BTBD7: variants seen among roughly 807,000 people sequenced by gnomAD.
BTBD7 encodes BTB/POZ domain-containing protein 7.
In BTBD7, 38 loss-of-function variants were observed where a neutral mutation model predicts 99.9. That is an observed-to-expected ratio of 0.38 (90% CI 0.29 to 0.50). BTBD7 has a LOEUF of 0.50. Ranked by LOEUF, BTBD7 falls within the 20% of genes least tolerant of loss-of-function variation. The pLI is 0.93. For missense variants in BTBD7, 1,170 were observed against 1,394.6 expected (o/e 0.84, Z 2.57); for synonymous variants, 520 against 511.4 (o/e 1.02, Z -0.23).
In BTBD7 at chr14:93,247,328, TTTTGTTTGTTTGTTTG is replaced by T. The variant is rs34225714; in HGVS notation, c.2122-1058_2122-1043del. ...CAGCCATTGTGTCCAGCCTATTCTTTTTTGTTTGTTTGTTTGTTTGTTTGTTTGTTTGTTTTTGAGA... is the reference window on the plus strand; with the variant it reads ...CAGCCATTGTGTCCAGCCTATTCTTTTTTGTTTGTTTGTTTGTTTTTGAGA... On this transcript the variant is annotated intron_variant, in intron 9 of 10. Transcript: ENST00000334746. Among the ~76,000 whole-genome samples, 188 of 149,298 alleles carry T rather than the reference TTTTGTTTGTTTGTTTG, an allele frequency of 1.3e-3. 2 individuals carry two copies. The highest frequency in any genetic ancestry group is 4.2e-3 in the African/African-American group (170 of 40,406).
Position 93,286,682 on chromosome 14 carries a change from A to G in BTBD7, c.1162+7176T>C, listed in dbSNP as rs1374976710. 3.3e-5 allele frequency among the ~76,000 whole-genome samples: 5 copies of G among 152,214 alleles called. No homozygotes were observed. In the East Asian group the frequency reaches 9.6e-4, roughly 29 times the overall value. Reference sequence around the variant, plus strand: ...CCAAATTCCTGAGCCTAGAGTCAGAAGAGCTGGTATGAGTTACAGCTTCGT... The same window carrying G: ...CCAAATTCCTGAGCCTAGAGTCAGAGGAGCTGGTATGAGTTACAGCTTCGT... On this transcript the variant is annotated intron_variant, in intron 3 of 10. Transcript: ENST00000334746.
rs184207518 is a variant in BTBD7, at chr14:93,305,445, C to A, written c.-106-9288G>T. Among the ~76,000 whole-genome samples, 1,120 of 152,310 alleles carry A rather than the reference C, an allele frequency of 7.4e-3. 6 individuals carry two copies. The highest frequency in any genetic ancestry group is 0.02 in the South Asian group (98 of 4,822). On this transcript the variant is annotated intron_variant, in intron 1 of 10. Transcript: ENST00000334746. ...AGAACGTTTAGCTATAAAAGACCCT[C>A]TCTGTAAGAGACATCAACAAGGTCT...
At position 93,322,822 on chromosome 14, in the gene BTBD7, A is replaced by G. The variant is rs138791008; in HGVS notation, c.-107+9998T>C. Among the ~76,000 whole-genome samples, 17 of 152,342 alleles carry G rather than the reference A, an allele frequency of 1.1e-4. No homozygotes were observed. In the East Asian group the frequency reaches 2.7e-3, roughly 24 times the overall value. On this transcript the variant is annotated intron_variant, in intron 1 of 10. Coordinates refer to ENST00000334746, the MANE Select transcript of BTBD7 (RefSeq NM_001002860.4). ...TATTCCTCTTGTCTTCATTTTAAAA[A>G]TAACTACAAGGCTGGGTGATGTGGC...
chr14:93,273,986 C>A (rs756089601), intron 3 of BTBD7, among the ~76,000 whole-genome samples: 2 of 152,300 alleles, frequency 1.3e-5, no homozygotes, highest in Non-Finnish European at 2.9e-5. Flanking sequence ...GGATTCACTG[C>A]AGCATCTTCT....
Position 93,238,797 on chromosome 14 carries a change from G to C in BTBD7, c.*3476C>G. 6.6e-6 allele frequency: 1 copy of C among 152,224 alleles called. No individual in the cohort carries two copies. Among genetic ancestry groups the C allele is most frequent in the Non-Finnish European group, 1.5e-5 (1 of 68,044 alleles). 9.4% of individuals were successfully genotyped at this position (152,224 alleles called of 1,614,324 possible). On this transcript the variant is annotated 3_prime_UTR_variant, in exon 11 of 11. Coordinates refer to ENST00000334746, the MANE Select transcript of BTBD7 (RefSeq NM_001002860.4). ...GGCGCGTGTTTCCAATTTGCCTTCT[G>C]CATCGGCACCTTAATGCAGATGTAC...
intron 3 of BTBD7, chr14:93,288,643 T>A: frequency 7.7e-7 from 1 of 1,291,634 alleles, no homozygotes; most frequent in Non-Finnish European, 1.1e-6. Context: ...ATATTTAAGA[T>A]TGAGGCAGTA....
intron 3 of BTBD7, among the ~76,000 whole-genome samples, chr14:93,290,800 C>T (rs1218697007): frequency 1.3e-5 from 2 of 152,080 alleles, no homozygotes; most frequent in African/African-American, 4.8e-5. Flanking sequence ...AAACGATTCT[C>T]CTGCCTCAGC....
intron 1 of BTBD7, among the ~76,000 whole-genome samples, chr14:93,315,047 C>T (rs1158315336): frequency 6.6e-6 from 1 of 152,122 alleles, no homozygotes; most frequent in Non-Finnish European, 1.5e-5. Context: ...TTCATATAGA[C>T]AACTCTGTCT....
intron 6 of BTBD7, among the ~76,000 whole-genome samples, chr14:93,254,172 C>A (rs1431798171): frequency 1.3e-5 from 2 of 151,952 alleles, no homozygotes; most frequent in African/African-American, 4.8e-5. Flanking sequence ...CTCCTGACCT[C>A]GTGATCTGCC....
rs955260240 is a variant in BTBD7 at position 93,239,776 on chromosome 14, A to G, written c.*2497T>C. The G allele has an allele frequency of 6.6e-6, 1 of 152,532 alleles. No individual in the cohort carries two copies. Among genetic ancestry groups the G allele is most frequent in the South Asian group, 2.1e-4 (1 of 4,832 alleles). The allele number at this position is 152,532 out of a possible 1,614,324, so 9.4% of individuals were successfully genotyped here. A position where few individuals can be genotyped will look rare whatever the true frequency, so the allele number is the denominator to read the frequency against. ...TTATAAACTAAATAATCTTAGGAAT[A>G]GTGGCCACTTACTTTTATATTTCAG... On this transcript the variant is annotated 3_prime_UTR_variant, in exon 11 of 11. Coordinates refer to ENST00000334746, the MANE Select transcript of BTBD7 (RefSeq NM_001002860.4).
chr14:93,304,331 G>A (rs1332434702), intron 1 of BTBD7, among the ~76,000 whole-genome samples: 1 of 152,174 alleles, frequency 6.6e-6, no homozygotes, highest in Non-Finnish European at 1.5e-5. Flanking sequence ...ATAAAAATGA[G>A]TCTAGATTTG....
At chr14:93,264,702 G>A (rs1193320026) in intron 3 of BTBD7, among the ~76,000 whole-genome samples, 3 of 152,198 alleles carry the variant, frequency 2.0e-5, no homozygotes, top group African/African-American at 7.2e-5. Flanking sequence ...GATTATGGGA[G>A]TGAGAATGGC....
intron 1 of BTBD7, among the ~76,000 whole-genome samples, chr14:93,319,693 G>C (rs1198346460): frequency 2.0e-5 from 3 of 152,304 alleles, no homozygotes; most frequent in Non-Finnish European, 2.9e-5. Context: ...TACAGTTTCA[G>C]TTAAGCAAAA....
At chr14:93,279,531 T>C (rs2052694131) in intron 3 of BTBD7, among the ~76,000 whole-genome samples, 1 of 152,260 alleles carries the variant, frequency 6.6e-6, no homozygotes, top group South Asian at 2.1e-4. Context: ...TATTGGTACT[T>C]AACACTGGAC....
intron 3 of BTBD7, among the ~76,000 whole-genome samples, chr14:93,265,403 GCAC>G (rs2052530575): frequency 6.6e-6 from 1 of 152,194 alleles, no homozygotes; most frequent in Admixed American, 6.5e-5. Context: ...TAAACTGTAA[GCAC>G]CACAAGATAG....
In BTBD7 at chr14:93,244,662, G is replaced by T. The variant is rs537268982; in HGVS notation, c.2583+1163C>A. ...AGACTCTGTCTCTAAAATAAATAAA[G>T]AAATAAATGAATAAATAAATAAAAT... On this transcript the variant is annotated intron_variant, in intron 10 of 10. Transcript: ENST00000334746. 1.6e-4 allele frequency among the ~76,000 whole-genome samples: 25 copies of T among 151,686 alleles called. No homozygotes were observed. In the South Asian group the frequency reaches 2.7e-3, roughly 16 times the overall value.
rs1206702907 is a variant in BTBD7 at position 93,248,346 on chromosome 14, G to A, written c.2121+130C>T. The A allele has an allele frequency of 6.6e-6, 6 of 915,900 alleles. No homozygotes were observed. The African/African-American group carries it at 6.7e-5, about 10-fold the overall frequency. 56.7% of individuals were successfully genotyped at this position (915,900 alleles called of 1,614,324 possible). On this transcript the variant is annotated intron_variant, in intron 9 of 10. Transcript: ENST00000334746. Reference sequence around the variant, plus strand: ...CAGGAGGGACTTGCAGGTTATCAAAGACACCAAAGGCAGTGAAAAAGCACA... The same window carrying A: ...CAGGAGGGACTTGCAGGTTATCAAAAACACCAAAGGCAGTGAAAAAGCACA...
At chr14:93,330,431 C>T (rs2053388651) in intron 1 of BTBD7, among the ~76,000 whole-genome samples, 1 of 152,120 alleles carries the variant, frequency 6.6e-6, no homozygotes, top group Admixed American at 6.5e-5. Context: ...TTTCATAGGC[C>T]AGCTCAAATC....
intron 3 of BTBD7, among the ~76,000 whole-genome samples, chr14:93,283,715 C>T (rs2052746945): frequency 6.6e-6 from 1 of 152,106 alleles, no homozygotes; most frequent in Admixed American, 6.6e-5. Context: ...CCATGCCCGG[C>T]TGATTTTTGT....
Sources: gnomAD v4.1 joint callset for allele counts (sites outside exome capture counted in the v4.1 genomes callset) on GRCh38, gnomAD v4.1.1 for gene constraint, MANE v1.5 for transcripts, NCBI Gene and HGNC (gene_info 2026-07-23, HGNC 2026-07-21) for gene names.